Variants in PDE1C observed in about 807,000 individuals in gnomAD.
The protein encoded by PDE1C is phosphodiesterase 1C.
In PDE1C, 62 loss-of-function variants were observed where a neutral mutation model predicts 93.1. That is an observed-to-expected ratio of 0.67 (90% CI 0.54 to 0.82). PDE1C has a LOEUF of 0.82. Among genes scored for constraint, PDE1C ranks in the 40% least tolerant of loss-of-function variants. The pLI is 0.00. For synonymous variants in PDE1C, 325 were observed against 310.1 expected (o/e 1.05, Z -0.50); for missense variants, 742 against 884.6 (o/e 0.84, Z 2.04).
intron 12 of PDE1C, among the ~76,000 whole-genome samples, chr7:31,828,032 A>G (rs968499424): frequency 2.0e-5 from 3 of 152,024 alleles, no homozygotes; most frequent in Non-Finnish European, 2.9e-5. Flanking sequence ...ATCTCCTTGG[A>G]AAGTTGGGGC....
At chr7:32,097,072 C>G (rs1221671907) in intron 3 of PDE1C, among the ~76,000 whole-genome samples, 2 of 152,282 alleles carry the variant, frequency 1.3e-5, no homozygotes, top group Admixed American at 1.3e-4. Flanking sequence ...ACCAATGTCC[C>G]AGCTTAAATC....
At chr7:32,376,680 G>A (rs1041644766) in intron 1 of PDE1C, among the ~76,000 whole-genome samples, 2 of 152,060 alleles carry the variant, frequency 1.3e-5, no homozygotes, top group African/African-American at 4.8e-5. Context: ...TAAATCAATA[G>A]TATGATTTCC....
At chr7:31,859,973 A>G (rs1439589308) in intron 7 of PDE1C, among the ~76,000 whole-genome samples, 1 of 152,168 alleles carries the variant, frequency 6.6e-6, no homozygotes, top group Non-Finnish European at 1.5e-5. Flanking sequence ...ATTGATAGGT[A>G]TATACTCCGT....
At chr7:32,203,057 A>C (rs1324624094) in intron 2 of PDE1C, among the ~76,000 whole-genome samples, 1 of 151,722 alleles carries the variant, frequency 6.6e-6, no homozygotes, top group African/African-American at 2.4e-5. Flanking sequence ...TAGTTTGACT[A>C]TTTTGCTTGC....
intron 3 of PDE1C, among the ~76,000 whole-genome samples, chr7:32,094,448 A>ACTACTTTAAGTACTTTCTCCCTTTACTG (rs1485470821): frequency 2.0e-5 from 3 of 152,200 alleles, no homozygotes; most frequent in African/African-American, 7.2e-5. Flanking sequence ...GTGGATTTTT[A>ACTACTTTAAGTACTTTCTCCCTTTACTG]CTACTTTAAG....
At chr7:31,683,763 T>A in the PDE1C span, among the ~76,000 whole-genome samples, 1 of 152,232 alleles carries the variant, frequency 6.6e-6, no homozygotes, top group Admixed American at 6.5e-5. Context: ...GGCAAATCTT[T>A]TAAGAGAACA....
intron 1 of PDE1C, among the ~76,000 whole-genome samples, chr7:32,389,265 G>C (rs115467429): frequency 9.9e-4 from 149 of 151,242 alleles, no homozygotes; most frequent in African/African-American, 3.4e-3. Context: ...ACCCAGGTTG[G>C]AGTACATTGG....
chr7:32,293,419 G>C (rs1174504171), intron 1 of PDE1C, among the ~76,000 whole-genome samples: 3 of 152,088 alleles, frequency 2.0e-5, no homozygotes, highest in Admixed American at 6.5e-5. Flanking sequence ...GGCTGCTCTC[G>C]GTCGAAGTGC....
At chr7:31,804,739 C>A (rs930125067) in intron 16 of PDE1C, among the ~76,000 whole-genome samples, 57 of 151,846 alleles carry the variant, frequency 3.8e-4, no homozygotes, top group African/African-American at 1.3e-3. Context: ...TGCTTTGGAA[C>A]CATTGTTAAG....
At chr7:32,088,274 G>A (rs1797244705) in intron 3 of PDE1C, among the ~76,000 whole-genome samples, 1 of 152,170 alleles carries the variant, frequency 6.6e-6, no homozygotes, top group Non-Finnish European at 1.5e-5. Context: ...AAAATGTAGT[G>A]ATTGGACTTT....
intron 1 of PDE1C, among the ~76,000 whole-genome samples, chr7:32,261,564 T>C (rs73089918): frequency 0.2 from 31,009 of 152,210 alleles, 4,263 homozygotes; most frequent in Admixed American, 0.35. Context: ...CAGTTCTCTC[T>C]AGGCAGTGGG....
chr7:32,284,859 C>G (rs145319038), intron 1 of PDE1C, among the ~76,000 whole-genome samples: 1 of 151,962 alleles, frequency 6.6e-6, no homozygotes, highest in South Asian at 2.1e-4. Flanking sequence ...TGGTGAAACC[C>G]GTCTCTACAA....
chr7:32,038,267 G>A (rs888883841), intron 2 of PDE1C, among the ~76,000 whole-genome samples: 4 of 151,970 alleles, frequency 2.6e-5, no homozygotes, highest in East Asian at 1.9e-4. Context: ...TCCCACCTCC[G>A]CCTATTGCAG....
intron 1 of PDE1C, among the ~76,000 whole-genome samples, chr7:32,261,660 T>C (rs1458730146): frequency 6.6e-6 from 1 of 152,212 alleles, no homozygotes; most frequent in Non-Finnish European, 1.5e-5. Context: ...TGTTGGCCTC[T>C]TAGATCAGAA....
intron 3 of PDE1C, chr7:31,879,434 T>A: frequency 2.4e-6 from 1 of 413,374 alleles, no homozygotes; most frequent in Non-Finnish European, 4.4e-6. Context: ...TGGTCCATTG[T>A]ACCCAGAAGC....
intron 7 of PDE1C, among the ~76,000 whole-genome samples, chr7:31,854,945 T>C (rs1332496363): frequency 6.6e-6 from 1 of 151,792 alleles, no homozygotes; most frequent in Non-Finnish European, 1.5e-5. Context: ...CGGGTGCCTG[T>C]AATCTCAGCT....
At chr7:31,824,127 A>G (rs1789350960) in intron 13 of PDE1C, among the ~76,000 whole-genome samples, 1 of 151,718 alleles carries the variant, frequency 6.6e-6, no homozygotes. Flanking sequence ...TATTCATTCC[A>G]CTTCTCTTCT....
chr7:31,900,194 A>T (rs1345549705), intron 2 of PDE1C, among the ~76,000 whole-genome samples: 1 of 152,082 alleles, frequency 6.6e-6, no homozygotes, highest in East Asian at 1.9e-4. Flanking sequence ...CTACTTATAT[A>T]ATAATTGTTT....
intron 2 of PDE1C, among the ~76,000 whole-genome samples, chr7:32,028,699 G>A (rs1436025016): frequency 6.6e-5 from 10 of 151,576 alleles, no homozygotes; most frequent in Non-Finnish European, 1.5e-5. Flanking sequence ...TTTTTTTTGT[G>A]GTAAGAACGT....
Sources: allele counts gnomAD v4.1 joint callset (sites outside exome capture counted in the v4.1 genomes callset), GRCh38; gene constraint gnomAD v4.1.1; transcripts MANE v1.5; gene names NCBI Gene and HGNC (gene_info 2026-07-23, HGNC 2026-07-21).